The following ADGRV1 variants were observed in gnomAD, a reference collection of about 807,000 sequenced individuals.
ADGRV1 encodes the protein adhesion G protein-coupled receptor V1, also known as G-protein coupled receptor 98.
A neutral mutation model predicts 596.2 loss-of-function variants in ADGRV1; 359 were observed. The ratio of observed to expected loss-of-function variants is 0.60; its 90% CI spans 0.55 to 0.66. The LOEUF is 0.66. Ranked by LOEUF, ADGRV1 falls within the 30% of genes least tolerant of loss-of-function variation. The pLI, the probability that ADGRV1 is intolerant of heterozygous loss-of-function variation, is 0.00. For missense variants in ADGRV1, 7,274 were observed against 7,575.6 expected (o/e 0.96, Z 1.48); for synonymous variants, 2,681 against 2,679.2 (o/e 1.00, Z -0.02).
chr5:91,060,398 A>ATTT (rs1554210690), intron 85 of ADGRV1, among the ~76,000 whole-genome samples: 35 of 60,516 alleles, frequency 5.8e-4, no homozygotes, highest in East Asian at 1.3e-3. Context: ...ATATATATAT[A>ATTT]TTTTTTTTTT....
chr5:90,716,353 A>G, intron 42 of ADGRV1, 114 bp from the exon 43 acceptor site: 1 of 634,644 alleles, frequency 1.6e-6, no homozygotes, highest in East Asian at 2.8e-5. Flanking sequence ...TCATCTTAAG[A>G]CAATCACCTT....
In ADGRV1 at chr5:90,753,558, T is replaced by G; in HGVS notation, c.11122-16T>G. 1.3e-6 allele frequency: 2 copies of G among 1,559,192 alleles called. No homozygotes were observed. The highest frequency in any genetic ancestry group is 1.8e-6 in the Non-Finnish European group (2 of 1,134,910). On this transcript the variant is annotated splice_polypyrimidine_tract_variant and intron_variant, in intron 53 of 89. Coordinates refer to ENST00000405460, the MANE Select transcript of ADGRV1 (RefSeq NM_032119.4). ...AATTACAAAATAAATAACATCTTCT[T>G]TCTTTAAAATTCTAGATTTTATTTA...
chr5:90,619,281 T>C (rs1190281810), intron 4 of ADGRV1, 100 bp downstream of exon 4: 1 of 516,676 alleles, frequency 1.9e-6, no homozygotes, highest in Non-Finnish European at 3.3e-6. Context: ...TGCTGTGTTT[T>C]GATATTTAAA....
chr5:91,070,607 G>C (rs759883283), intron 85 of ADGRV1, among the ~76,000 whole-genome samples: 13 of 152,162 alleles, frequency 8.5e-5, no homozygotes, highest in Admixed American at 1.3e-4. Context: ...CTCCATTTGA[G>C]ATTTTCATGC....
At chr5:90,665,096 T>C (rs200249142) in intron 21 of ADGRV1, among the ~76,000 whole-genome samples, 72,675 of 137,092 alleles carry the variant, frequency 0.53, 19,368 homozygotes, top group East Asian at 0.72. Context: ...TGTCTCTGCC[T>C]GGCTTTGGTA....
At chr5:90,991,510 C>T (rs1780963828) in intron 85 of ADGRV1, among the ~76,000 whole-genome samples, 1 of 152,114 alleles carries the variant, frequency 6.6e-6, no homozygotes, top group South Asian at 2.1e-4. Context: ...GTCTCAAACT[C>T]CTGAGCTCAT....
chr5:90,714,398 A>G (rs1450760409), intron 42 of ADGRV1, among the ~76,000 whole-genome samples: 1 of 151,830 alleles, frequency 6.6e-6, no homozygotes, highest in Non-Finnish European at 1.5e-5. Context: ...TCTTAAATAT[A>G]TTGCAGATAT....
intron 74 of ADGRV1, 22 bp from the exon 75 acceptor site, chr5:90,815,597 A>T (rs1054277680): frequency 1.2e-5 from 15 of 1,253,226 alleles, no homozygotes; most frequent in Non-Finnish European, 1.4e-5. Flanking sequence ...AATATATTAT[A>T]GCCCTCCATT....
At chr5:90,611,026 T>G (rs1561379525) in intron 1 of ADGRV1, among the ~76,000 whole-genome samples, 1 of 151,860 alleles carries the variant, frequency 6.6e-6, no homozygotes, top group Non-Finnish European at 1.5e-5. Flanking sequence ...TGGCTTTGAT[T>G]GACCTGATCT....
chr5:90,995,418 T>A (rs1781332594), intron 85 of ADGRV1, among the ~76,000 whole-genome samples: 1 of 152,152 alleles, frequency 6.6e-6, no homozygotes, highest in African/African-American at 2.4e-5. Context: ...TGAGGGCTAT[T>A]TTTCCAGGCT....
At chr5:91,131,973 TA>T (rs1271046393) in intron 87 of ADGRV1, among the ~76,000 whole-genome samples, 1 of 152,200 alleles carries the variant, frequency 6.6e-6, no homozygotes, top group African/African-American at 2.4e-5. Context: ...AACTTTTGTA[TA>T]TGGTGAGAGT....
chr5:91,120,859 G>A (rs538057945), intron 87 of ADGRV1, among the ~76,000 whole-genome samples: 1 of 152,272 alleles, frequency 6.6e-6, no homozygotes, highest in South Asian at 2.1e-4. Flanking sequence ...GAGATGCTGT[G>A]GGAGACAGAA....
chr5:91,092,091 T>C (rs573341960), intron 86 of ADGRV1, among the ~76,000 whole-genome samples: 7 of 152,118 alleles, frequency 4.6e-5, no homozygotes, highest in African/African-American at 7.2e-5. Flanking sequence ...GCAGGGAAAA[T>C]AGAAGATGCT....
At chr5:90,718,061 A>G (rs573923048) in intron 43 of ADGRV1, 5 of 152,202 alleles carry the variant, frequency 3.3e-5, no homozygotes, top group Non-Finnish European at 5.9e-5. Flanking sequence ...ATTCACAGCA[A>G]TGTACAACCA....
chr5:90,725,339 A>C (rs187824943), intron 47 of ADGRV1, 107 bp downstream of exon 47: 228 of 850,490 alleles, frequency 2.7e-4, no homozygotes, highest in Admixed American at 1.2e-3. Flanking sequence ...AATGTGAAAA[A>C]GGACTTTTTG....
chr5:90,827,256 C>G (rs1031471417), intron 76 of ADGRV1, among the ~76,000 whole-genome samples: 19 of 152,200 alleles, frequency 1.2e-4, no homozygotes, highest in African/African-American at 4.1e-4. Context: ...CTTATGAGGT[C>G]TCTGTCATTT....
chr5:91,144,059 G>A (rs571499158), intron 87 of ADGRV1, among the ~76,000 whole-genome samples: 52 of 152,190 alleles, frequency 3.4e-4, no homozygotes, highest in Middle Eastern at 6.8e-3. Context: ...CAGGCAGTGG[G>A]AGCGGGCCTG....
chr5:90,913,959 A>G (rs374415576), intron 83 of ADGRV1, among the ~76,000 whole-genome samples: 1 of 152,218 alleles, frequency 6.6e-6, no homozygotes, highest in African/African-American at 2.4e-5. Context: ...AATTTTAAAG[A>G]CTTAATAAGC....
At chr5:90,984,032 G>A (rs748020310) in intron 84 of ADGRV1, among the ~76,000 whole-genome samples, 22 of 152,128 alleles carry the variant, frequency 1.4e-4, no homozygotes, top group Non-Finnish European at 1.5e-4. Context: ...TTTAAGAAGA[G>A]GCAGTCACAT....
Sources: gnomAD v4.1 joint callset for allele counts (sites outside exome capture counted in the v4.1 genomes callset) on GRCh38, gnomAD v4.1.1 for gene constraint, MANE v1.5 for transcripts, NCBI Gene and HGNC (gene_info 2026-07-23, HGNC 2026-07-21) for gene names.